The following SEMA3C variants were observed in gnomAD, a reference collection of about 807,000 sequenced individuals.
SEMA3C encodes the protein semaphorin 3C.
In SEMA3C, 47 loss-of-function variants were observed where a neutral mutation model predicts 89.4. That is an observed-to-expected ratio of 0.53 (90% CI 0.42 to 0.67). The LOEUF is 0.67. Ranked by LOEUF, SEMA3C falls within the 30% of genes least tolerant of loss-of-function variation. SEMA3C has a pLI of 0.00. For synonymous variants in SEMA3C, 310 were observed against 320.2 expected, an observed-to-expected ratio of 0.97 and a Z score of 0.34; for missense variants, 839 against 929.1, an observed-to-expected ratio of 0.90 and a Z score of 1.26.
chr7:80,803,776 G>C (rs1789268481), intron 8 of SEMA3C, among the ~76,000 whole-genome samples: 1 of 152,026 alleles, frequency 6.6e-6, no homozygotes, highest in Non-Finnish European at 1.5e-5. Flanking sequence ...GAATACCAAT[G>C]CATTAAATGA....
chr7:80,838,423 C>T (rs980098232), intron 2 of SEMA3C, among the ~76,000 whole-genome samples: 1 of 152,104 alleles, frequency 6.6e-6, no homozygotes, highest in Non-Finnish European at 1.5e-5. Flanking sequence ...ATCTGTAAAG[C>T]TAATGTAATC....
intron 12 of SEMA3C, among the ~76,000 whole-genome samples, chr7:80,779,479 T>C (rs751055129): frequency 9.2e-5 from 14 of 152,172 alleles, no homozygotes; most frequent in Non-Finnish European, 1.6e-4. Context: ...TATCATCAGG[T>C]CCTTTCTTTC....
chr7:80,824,479 T>C (rs957209984), intron 4 of SEMA3C, among the ~76,000 whole-genome samples: 10 of 152,098 alleles, frequency 6.6e-5, no homozygotes, highest in African/African-American at 2.2e-4. Context: ...GAGAATCAAT[T>C]GCATGCAGCA....
intron 2 of SEMA3C, 58 bp from the exon 3 acceptor site, chr7:80,828,803 T>C: frequency 7.0e-6 from 9 of 1,284,150 alleles, no homozygotes; most frequent in Non-Finnish European, 8.5e-6. Flanking sequence ...AATTCTATTA[T>C]TTTAATAAAA....
At chr7:80,828,839 T>C in intron 2 of SEMA3C, 94 bp from the exon 3 acceptor site, 2 of 979,950 alleles carry the variant, frequency 2.0e-6, no homozygotes, top group Non-Finnish European at 2.9e-6. Context: ...TTCCAAAAAA[T>C]GTCAAGGTAC....
chr7:80,743,023 A>G lies in SEMA3C; in HGVS notation c.*1871T>C, dbSNP rs552360842. 1 of 152,078 alleles carries G rather than the reference A, an allele frequency of 6.6e-6. No homozygotes were observed. The highest frequency in any genetic ancestry group is 2.4e-5 in the African/African-American group (1 of 41,568). 9.4% of individuals were successfully genotyped at this position (152,078 alleles called of 1,614,324 possible). On this transcript the variant is annotated 3_prime_UTR_variant, in exon 18 of 18. Transcript: ENST00000265361. ...TGAAATAAAGGGAACTGTGACTCTG[A>G]AACAATTTTACTTTTAACTTTGAGA...
At chr7:80,841,114 T>C (rs902170400) in intron 2 of SEMA3C, among the ~76,000 whole-genome samples, 12 of 152,044 alleles carry the variant, frequency 7.9e-5, no homozygotes, top group African/African-American at 1.2e-4. Context: ...TGTCAAACCA[T>C]AGGGGTTGAA....
intron 2 of SEMA3C, among the ~76,000 whole-genome samples, chr7:80,853,480 C>T (rs1790564304): frequency 1.3e-5 from 2 of 152,118 alleles, no homozygotes; most frequent in African/African-American, 4.8e-5. Flanking sequence ...ATGGTTGAAA[C>T]GGGAAGATAT....
At chr7:80,753,591 A>T (rs2117037728) in intron 15 of SEMA3C, among the ~76,000 whole-genome samples, 1 of 152,302 alleles carries the variant, frequency 6.6e-6, no homozygotes, top group East Asian at 1.9e-4. Context: ...TTATGTGTAG[A>T]TTCCCTCCAT....
At chr7:80,909,589 A>G (rs1317903660) in intron 2 of SEMA3C, among the ~76,000 whole-genome samples, 1 of 152,192 alleles carries the variant, frequency 6.6e-6, no homozygotes, top group Non-Finnish European at 1.5e-5. Flanking sequence ...TTTCAGTGGC[A>G]TCAGTTCAAA....
chr7:80,816,630 G>A lies in SEMA3C; in HGVS notation c.447+1669C>T, dbSNP rs10499865. Among the ~76,000 whole-genome samples, 999 of 152,178 alleles carry A rather than the reference G, an allele frequency of 6.6e-3. 50 individuals carry two copies. In the East Asian group the frequency reaches 0.11, roughly 17 times the overall value. On this transcript the variant is annotated intron_variant, in intron 5 of 17. Transcript: ENST00000265361. ...AAGTGATGTTATGGTGAAACTCTCC[G>A]ACTAGAGTGAACTATCAAGGACTAC...
At chr7:80,887,994 A>T (rs1028660178) in intron 2 of SEMA3C, among the ~76,000 whole-genome samples, 1 of 152,338 alleles carries the variant, frequency 6.6e-6, no homozygotes, top group East Asian at 1.9e-4. Flanking sequence ...CTCTTATTAC[A>T]TGTTTTAAAG....
chr7:80,919,005 G>A lies in SEMA3C; in HGVS notation c.-216C>T. The A allele has an allele frequency of 3.0e-6, 3 of 985,368 alleles. No individual in the cohort carries two copies. The South Asian group carries it at 1.4e-4, about 46-fold the overall frequency. 61.0% of individuals were successfully genotyped at this position (985,368 alleles called of 1,614,324 possible). On this transcript the variant is annotated 5_prime_UTR_variant, in exon 1 of 18. Coordinates refer to ENST00000265361, the MANE Select transcript of SEMA3C (RefSeq NM_006379.5). The stretch of plus-strand genomic sequence containing the variant: ...AGGAATCTCAGCGCTGCAGTGCCGC[G>A]GCACCCGGAGCTCTTCTCCGCGTCG...
intron 11 of SEMA3C, among the ~76,000 whole-genome samples, chr7:80,791,535 C>A (rs1348324667): frequency 6.6e-6 from 1 of 152,096 alleles, no homozygotes; most frequent in Non-Finnish European, 1.5e-5. Context: ...GCAATAGGCA[C>A]AGCATCAGTC....
intron 8 of SEMA3C, among the ~76,000 whole-genome samples, chr7:80,803,862 C>T (rs949932945): frequency 6.6e-6 from 1 of 151,906 alleles, no homozygotes; most frequent in South Asian, 2.1e-4. Flanking sequence ...AAGATTTTTA[C>T]TAAAATAGGG....
At chr7:80,893,694 G>C (rs1791669175) in intron 2 of SEMA3C, among the ~76,000 whole-genome samples, 1 of 151,996 alleles carries the variant, frequency 6.6e-6, no homozygotes, top group African/African-American at 2.4e-5. Flanking sequence ...GGGTCATATT[G>C]ATACGTGCTA....
rs571057821 is a variant in SEMA3C, at chr7:80,745,776, G to A, written c.1843-469C>T. On this transcript the variant is annotated intron_variant, in intron 17 of 17. Coordinates refer to ENST00000265361, the MANE Select transcript of SEMA3C (RefSeq NM_006379.5). ...CCACAATTAAAGGGTGAATTTTATCGTTTTGTTTCAATAAATGAATGGTCT... is the reference window on the plus strand; with the variant it reads ...CCACAATTAAAGGGTGAATTTTATCATTTTGTTTCAATAAATGAATGGTCT... Among the ~76,000 whole-genome samples, 17 of 152,038 alleles carry A rather than the reference G, an allele frequency of 1.1e-4. 1 individual carries two copies. The South Asian group carries it at 2.1e-3, about 19-fold the overall frequency.
chr7:80,823,549 C>T (rs1182086135), intron 4 of SEMA3C, among the ~76,000 whole-genome samples: 1 of 152,006 alleles, frequency 6.6e-6, no homozygotes, highest in African/African-American at 2.4e-5. Flanking sequence ...CACAAAAATA[C>T]TTCATACTTT....
intron 5 of SEMA3C, among the ~76,000 whole-genome samples, chr7:80,816,388 ACAAGAGGGT>A (rs1414921158): frequency 6.6e-6 from 1 of 152,194 alleles, no homozygotes; most frequent in African/African-American, 2.4e-5. Flanking sequence ...TAATAATAAT[ACAAGAGGGT>A]CAGCAGTAAG....
Sources: allele counts gnomAD v4.1 joint callset (sites outside exome capture counted in the v4.1 genomes callset), GRCh38; gene constraint gnomAD v4.1.1; transcripts MANE v1.5; gene names NCBI Gene and HGNC (gene_info 2026-07-23, HGNC 2026-07-21).